The following FAM149B1 variants were observed in gnomAD, a reference collection of about 807,000 sequenced individuals.
FAM149B1 encodes the protein family with sequence similarity 149 member B1, also known as primary cilium assembly protein FAM149B1.
FAM149B1 carries 56 observed loss-of-function variants against 75.3 expected under a neutral mutation model. That is an observed-to-expected ratio of 0.74 (90% CI 0.60 to 0.93). The LOEUF is 0.93. Among genes scored for constraint, FAM149B1 ranks in the 40% least tolerant of loss-of-function variants. The pLI is 0.00. For synonymous variants in FAM149B1, 259 were observed against 256.1 expected, an observed-to-expected ratio of 1.01 and a Z score of -0.11; for missense variants, 639 against 708.4, an observed-to-expected ratio of 0.90 and a Z score of 1.11.
At chr10:73,193,331 G>C (rs1589150932) in intron 4 of FAM149B1, 146 bp from the exon 5 acceptor site, 2 of 662,054 alleles carry the variant, frequency 3.0e-6, no homozygotes, top group Admixed American at 3.3e-5. Flanking sequence ...GTAAGGCTCT[G>C]GATTCACATT....
In FAM149B1 at chr10:73,233,149, C is replaced by T; in HGVS notation, c.1338C>T (p.Leu446=). ...AETPRSVEEI[L]RGARVPVAPD... is the part of the protein sequence containing the mutation. ...CACCAAGATCTGTGGAAGAAATCCT[C>T]AGAGGAGCCCGAGTGTAGGTTTCAA... Residue 446 remains leucine, a synonymous_variant, in exon 10 of 14, where the codon CTC becomes CTT. Coordinates refer to ENST00000242505, the MANE Select transcript of FAM149B1 (RefSeq NM_173348.2). 1 of 1,551,132 alleles carries T rather than the reference C, an allele frequency of 6.4e-7. No individual in the cohort carries two copies. Among genetic ancestry groups the T allele is most frequent in the Non-Finnish European group, 8.7e-7 (1 of 1,146,522 alleles).
intron 3 of FAM149B1, among the ~76,000 whole-genome samples, chr10:73,187,194 G>C (rs1419551352): frequency 6.6e-6 from 1 of 151,938 alleles, no homozygotes; most frequent in Non-Finnish European, 1.5e-5. Context: ...ATTGCTGAGA[G>C]AAATTAAAGA....
At chr10:73,205,614 T>C (rs1322144080) in intron 5 of FAM149B1, among the ~76,000 whole-genome samples, 1 of 152,134 alleles carries the variant, frequency 6.6e-6, no homozygotes, top group East Asian at 1.9e-4. Flanking sequence ...AGTGCAGTGG[T>C]GTGATCTAGA....
intron 3 of FAM149B1, among the ~76,000 whole-genome samples, chr10:73,186,536 T>A (rs2042525324): frequency 6.6e-6 from 1 of 152,220 alleles, no homozygotes; most frequent in Admixed American, 6.5e-5. Context: ...TAAAAATGTC[T>A]TTATTCACAG....
rs1030994643 is a variant in FAM149B1, at chr10:73,243,131, T to C, written c.*2112T>C. On this transcript the variant is annotated 3_prime_UTR_variant, in exon 14 of 14. Coordinates refer to ENST00000242505, the MANE Select transcript of FAM149B1 (RefSeq NM_173348.2). Reference sequence around the variant, plus strand: ...TGTACAGAAGATCCATGGAGGCAAGTGCTGTCAGGAAGGACACTGCCTCCC... The same window carrying C: ...TGTACAGAAGATCCATGGAGGCAAGCGCTGTCAGGAAGGACACTGCCTCCC... The C allele has an allele frequency of 6.1e-5, 25 of 408,868 alleles. No individual in the cohort carries two copies. Among genetic ancestry groups the C allele is most frequent in the Non-Finnish European group, 1.0e-4 (23 of 222,330 alleles). The allele number at this position is 408,868 out of a possible 1,614,324, so 25.3% of individuals were successfully genotyped here.
intron 7 of FAM149B1, among the ~76,000 whole-genome samples, chr10:73,224,776 C>T (rs558435923): frequency 2.5e-4 from 38 of 152,044 alleles, no homozygotes; most frequent in African/African-American, 8.4e-4. Context: ...CCAGCCACAC[C>T]GTTATTTTGA....
chr10:73,231,860 AT>A (rs1440158024), intron 9 of FAM149B1, among the ~76,000 whole-genome samples: 1 of 152,168 alleles, frequency 6.6e-6, no homozygotes, highest in African/African-American at 2.4e-5. Flanking sequence ...ATAGAACAAA[AT>A]AAAGGTGAAC....
chr10:73,240,067 A>G (rs1342631600), intron 13 of FAM149B1, among the ~76,000 whole-genome samples: 1 of 152,172 alleles, frequency 6.6e-6, no homozygotes, highest in African/African-American at 2.4e-5. Context: ...TAGGGCTACA[A>G]GCAGTGCCAC....
At chr10:73,169,708 C>A (rs1160800932) in intron 1 of FAM149B1, among the ~76,000 whole-genome samples, 3 of 152,184 alleles carry the variant, frequency 2.0e-5, no homozygotes, top group Non-Finnish European at 4.4e-5. Flanking sequence ...AAGCGGTTCT[C>A]CCACTTTGGC....
At chr10:73,228,596 TTTTTA>T (rs1289200312) in intron 8 of FAM149B1, among the ~76,000 whole-genome samples, 3 of 150,278 alleles carry the variant, frequency 2.0e-5, no homozygotes, top group African/African-American at 7.4e-5. Context: ...CCCTGTTTAT[TTTTTA>T]TTTTTTCATT....
chr10:73,239,603 A>G (rs7906093), intron 13 of FAM149B1, among the ~76,000 whole-genome samples: 15,912 of 151,172 alleles, frequency 0.11, 1,202 homozygotes, highest in East Asian at 0.31. Context: ...TCAGATTCCT[A>G]TTTTCTTCAT....
chr10:73,195,536 C>A (rs186239763), intron 5 of FAM149B1, among the ~76,000 whole-genome samples: 13 of 152,294 alleles, frequency 8.5e-5, no homozygotes, highest in African/African-American at 3.1e-4. Flanking sequence ...TCGACCTAAT[C>A]TGTTAGTGTA....
chr10:73,233,134 T>A lies in FAM149B1; in HGVS notation c.1323T>A (p.Ser441=). The change falls in exon 10 of 14, where the codon TCT becomes TCA. Residue 441 remains serine (S), a synonymous_variant. Transcript: ENST00000242505. ...TSHSCAETPR[S]VEEILRGARV... ...ATTCATGTGCTGAAACACCAAGATC[T>A]GTGGAAGAAATCCTCAGAGGAGCCC... 1 of 1,551,756 alleles carries A rather than the reference T, an allele frequency of 6.4e-7. No individual in the cohort carries two copies. The highest frequency in any genetic ancestry group is 1.2e-5 in the South Asian group (1 of 84,064).
At chr10:73,187,983 TGAGGCAGGAGAATCACTTGAACCCAG>T (rs1028558505) in intron 3 of FAM149B1, among the ~76,000 whole-genome samples, 3 of 152,034 alleles carry the variant, frequency 2.0e-5, no homozygotes, top group African/African-American at 7.2e-5. Flanking sequence ...CTCAGGAGGC[TGAGGCAGGAGAATCACTTGAACCCAG>T]GAGGCAGAGG....
At chr10:73,229,579 A>G (rs1237602122) in intron 8 of FAM149B1, among the ~76,000 whole-genome samples, 1 of 152,176 alleles carries the variant, frequency 6.6e-6, no homozygotes, top group African/African-American at 2.4e-5. Context: ...CGTCTCAGAA[A>G]AAATAAGAGA....
At chr10:73,171,638 T>C in intron 1 of FAM149B1, among the ~76,000 whole-genome samples, 1 of 150,814 alleles carries the variant, frequency 6.6e-6, no homozygotes, top group African/African-American at 2.4e-5. Context: ...TTCTTTTTTT[T>C]TTTTTTTTGA....
intron 8 of FAM149B1, among the ~76,000 whole-genome samples, chr10:73,228,580 G>A (rs982634501): frequency 6.6e-6 from 1 of 151,482 alleles, no homozygotes; most frequent in Non-Finnish European, 1.5e-5. Context: ...CTCTCAACTT[G>A]GCCCACCCTG....
At position 73,192,577 on chromosome 10, in the gene FAM149B1, G is replaced by A; in HGVS notation, c.304G>A (p.Glu102Lys). The A allele has an allele frequency of 6.4e-7, 1 of 1,551,264 alleles. No individual in the cohort carries two copies. The highest frequency in any genetic ancestry group is 8.7e-7 in the Non-Finnish European group (1 of 1,146,848). The change falls in exon 4 of 14, where the codon GAA becomes AAA. Residue 102 changes from glutamate to lysine, a missense_variant. Coordinates refer to ENST00000242505, the MANE Select transcript of FAM149B1 (RefSeq NM_173348.2). ...CTAGGAACTCGATCAAAATGCCACT[G>A]AAAAAGTCCAGACAATGTTCACAGC... Reference protein sequence around the residue: ...GYGELDQNATEKVQTMFTAID... With the variant: ...GYGELDQNATKKVQTMFTAID...
chr10:73,168,317 G>C lies in FAM149B1; in HGVS notation c.-23G>C, dbSNP rs1338485986. The C allele has an allele frequency of 1.9e-6, 3 of 1,540,170 alleles. No individual in the cohort carries two copies. In the Admixed American group the frequency reaches 5.9e-5, roughly 30 times the overall value. On this transcript the variant is annotated 5_prime_UTR_variant, in exon 1 of 14. Transcript: ENST00000242505. ...CTGCCCCGGCCGCGGCTGAGGAGGA[G>C]GAGGAGGAGGAGGAGGAGGAGGATG...
Sources: allele counts gnomAD v4.1 joint callset (sites outside exome capture counted in the v4.1 genomes callset), GRCh38; gene constraint gnomAD v4.1.1; transcripts MANE v1.5; gene names NCBI Gene and HGNC (gene_info 2026-07-23, HGNC 2026-07-21).